PCDH15: variants seen among roughly 807,000 people sequenced by gnomAD.
PCDH15 encodes protocadherin related 15, also known as protocadherin-15.
PCDH15 carries 129 observed loss-of-function variants against 178.5 expected under a neutral mutation model. The ratio of observed to expected loss-of-function variants is 0.72; its 90% CI spans 0.63 to 0.84. The LOEUF is 0.84. Among genes scored for constraint, PCDH15 ranks in the 40% least tolerant of loss-of-function variants. PCDH15 has a pLI of 0.00. For synonymous variants in PCDH15, 800 were observed against 732.0 expected (o/e 1.09, Z -1.50); for missense variants, 2,230 against 2,099.9 (o/e 1.06, Z -1.21).
intron 8 of PCDH15, among the ~76,000 whole-genome samples, chr10:54,308,374 G>C (rs544760635): frequency 1.3e-5 from 2 of 152,164 alleles, no homozygotes; most frequent in East Asian, 3.9e-4. Flanking sequence ...TTATTCAGCA[G>C]AATAGTGACT....
At chr10:54,941,194 A>G (rs1057354862) in intron 2 of PCDH15, among the ~76,000 whole-genome samples, 1 of 152,044 alleles carries the variant, frequency 6.6e-6, no homozygotes, top group Non-Finnish European at 1.5e-5. Context: ...TGTTCAATCT[A>G]GAGCTCAAAA....
chr10:55,077,096 C>G (rs1414082252), intron 2 of PCDH15, among the ~76,000 whole-genome samples: 3 of 138,078 alleles, frequency 2.2e-5, no homozygotes, highest in African/African-American at 9.3e-5. Context: ...AGTATAGCTA[C>G]TACTCCTTTT....
intron 1 of PCDH15, among the ~76,000 whole-genome samples, chr10:55,268,184 C>T (rs894549167): frequency 6.6e-6 from 1 of 152,052 alleles, no homozygotes; most frequent in African/African-American, 2.4e-5. Flanking sequence ...CACAGTTACC[C>T]GTTGAGTTAT....
At chr10:54,128,839 G>A (rs576882855) in intron 15 of PCDH15, among the ~76,000 whole-genome samples, 2 of 152,000 alleles carry the variant, frequency 1.3e-5, no homozygotes, top group East Asian at 3.9e-4. Context: ...CTTCATAAGA[G>A]CCTTAAAATA....
At chr10:54,699,827 A>T (rs1456022139) in intron 1 of PCDH15, among the ~76,000 whole-genome samples, 1 of 152,050 alleles carries the variant, frequency 6.6e-6, no homozygotes, top group East Asian at 1.9e-4. Context: ...TATCTTTTTA[A>T]CACTTTGTAA....
chr10:54,994,398 T>C (rs7083571), intron 2 of PCDH15, among the ~76,000 whole-genome samples: 52,259 of 151,972 alleles, frequency 0.34, 10,471 homozygotes, highest in African/African-American at 0.55. Flanking sequence ...TTGCCTGATA[T>C]AAAGAATTCT....
chr10:54,100,519 T>C (rs1289253730), intron 15 of PCDH15, among the ~76,000 whole-genome samples: 14 of 152,216 alleles, frequency 9.2e-5, no homozygotes, highest in Non-Finnish European at 1.5e-5. Flanking sequence ...AGTGACATCA[T>C]TCTGATACTC....
At chr10:54,261,962 G>A (rs1217601393) in intron 8 of PCDH15, among the ~76,000 whole-genome samples, 1 of 152,088 alleles carries the variant, frequency 6.6e-6, no homozygotes, top group Non-Finnish European at 1.5e-5. Flanking sequence ...AAGAAATGGG[G>A]CAGTCTGCTC....
At position 53,806,164 on chromosome 10, in the gene PCDH15, C is replaced by T. The variant is rs957980449; in HGVS notation, c.*415G>A. The T allele has an allele frequency of 5.8e-6, 1 of 172,072 alleles. No individual in the cohort carries two copies. Among genetic ancestry groups the T allele is most frequent in the Non-Finnish European group, 1.2e-5 (1 of 80,570 alleles). The allele number at this position is 172,072 out of a possible 1,614,324, so 10.7% of individuals were successfully genotyped here. The stretch of plus-strand genomic sequence containing the variant: ...TAAACTCATTGCCTGTAAATATCCT[C>T]TTACTTCTTTTTTGCCCTTTTGGCT... On this transcript the variant is annotated 3_prime_UTR_variant, in exon 38 of 38. Coordinates refer to ENST00000644397, the MANE Select transcript of PCDH15 (RefSeq NM_001384140.1).
chr10:55,449,288 A>G (rs1839382902), intron 2 of PCDH15, among the ~76,000 whole-genome samples: 1 of 152,028 alleles, frequency 6.6e-6, no homozygotes, highest in East Asian at 1.9e-4. Flanking sequence ...GGACTTTAGG[A>G]TTCTTTTTAC....
chr10:54,349,495 C>T (rs1943839885), intron 5 of PCDH15, among the ~76,000 whole-genome samples: 1 of 152,132 alleles, frequency 6.6e-6, no homozygotes, highest in African/African-American at 2.4e-5. Flanking sequence ...ATGTTTTTCT[C>T]TAGCTCTACA....
At chr10:54,058,932 G>A (rs1000552718) in intron 18 of PCDH15, among the ~76,000 whole-genome samples, 9 of 152,022 alleles carry the variant, frequency 5.9e-5, no homozygotes, top group African/African-American at 2.2e-4. Flanking sequence ...GACCTCAGAT[G>A]ATCCACCCGC....
At chr10:54,428,945 A>G (rs1956627969) in intron 3 of PCDH15, among the ~76,000 whole-genome samples, 1 of 152,256 alleles carries the variant, frequency 6.6e-6, no homozygotes, top group African/African-American at 2.4e-5. Context: ...CCTATCAAAG[A>G]AAAGGTTGTT....
At chr10:55,571,075 T>A (rs1331336342) in intron 2 of PCDH15, among the ~76,000 whole-genome samples, 1 of 152,032 alleles carries the variant, frequency 6.6e-6, no homozygotes, top group Non-Finnish European at 1.5e-5. Context: ...TTGGGAGGTG[T>A]TTGGATCATG....
intron 36 of PCDH15, 101 bp from the exon 37 acceptor site, chr10:53,810,765 A>C (rs1219748468): frequency 9.5e-7 from 1 of 1,050,596 alleles, no homozygotes; most frequent in African/African-American, 1.6e-5. Context: ...CATTCAATCG[A>C]CAGATATTTA....
At chr10:55,619,589 A>G (rs1843546850) in intron 2 of PCDH15, among the ~76,000 whole-genome samples, 1 of 152,056 alleles carries the variant, frequency 6.6e-6, no homozygotes, top group Non-Finnish European at 1.5e-5. Flanking sequence ...GAGTTTGTAA[A>G]GTTACGAGAA....
intron 2 of PCDH15, among the ~76,000 whole-genome samples, chr10:55,626,071 A>G (rs1055741381): frequency 2.0e-5 from 3 of 152,256 alleles, no homozygotes; most frequent in African/African-American, 7.2e-5. Context: ...AATACAAGTA[A>G]CAAGGGCCAT....
intron 8 of PCDH15, among the ~76,000 whole-genome samples, chr10:54,305,262 T>A (rs2060394199): frequency 6.6e-6 from 1 of 152,100 alleles, no homozygotes; most frequent in South Asian, 2.1e-4. Context: ...TAACATAAAT[T>A]TAGTTTTGCT....
At chr10:54,928,379 T>G (rs963927981) in intron 2 of PCDH15, among the ~76,000 whole-genome samples, 7 of 152,150 alleles carry the variant, frequency 4.6e-5, no homozygotes, top group African/African-American at 1.7e-4. Flanking sequence ...ATTTCTTTCT[T>G]TCATTTCAAC....
Sources: gnomAD v4.1 joint callset for allele counts (sites outside exome capture counted in the v4.1 genomes callset) on GRCh38, gnomAD v4.1.1 for gene constraint, MANE v1.5 for transcripts, NCBI Gene and HGNC (gene_info 2026-07-23, HGNC 2026-07-21) for gene names.